The following SLC8A1 variants were observed in gnomAD, a reference collection of about 807,000 sequenced individuals.
The protein encoded by SLC8A1 is solute carrier family 8 member A1.
A neutral mutation model predicts 68.3 loss-of-function variants in SLC8A1; 18 were observed. That is an observed-to-expected ratio of 0.26 (90% CI 0.18 to 0.39). The LOEUF (loss-of-function observed/expected upper bound fraction) is 0.39, where lower values mean the gene tolerates loss of function less well. SLC8A1 is among the 10% of genes least tolerant of loss of function. SLC8A1 has a pLI of 1.00. For missense variants in SLC8A1, 985 were observed against 1,156.7 expected (o/e 0.85, Z 2.15); for synonymous variants, 475 against 415.5 (o/e 1.14, Z -1.74).
chr2:40,134,445 C>T (rs1265474526), intron 7 of SLC8A1, among the ~76,000 whole-genome samples: 3 of 151,960 alleles, frequency 2.0e-5, no homozygotes, highest in Non-Finnish European at 2.9e-5. Flanking sequence ...GAGAAGGGAT[C>T]ATAGAAGAGA....
intron 2 of SLC8A1, among the ~76,000 whole-genome samples, chr2:40,285,200 GAGAC>G (rs1480977764): frequency 1.3e-5 from 2 of 152,236 alleles, no homozygotes; most frequent in East Asian, 3.9e-4. Flanking sequence ...ATCGCAGTTA[GAGAC>G]AGACAAAGTG....
At chr2:40,412,749 G>C (rs1016476535) in intron 2 of SLC8A1, among the ~76,000 whole-genome samples, 1 of 152,172 alleles carries the variant, frequency 6.6e-6, no homozygotes, top group African/African-American at 2.4e-5. Context: ...CAATAATTTA[G>C]AGTATTATCA....
chr2:40,466,741 G>T (rs1043312397), intron 1 of SLC8A1, among the ~76,000 whole-genome samples: 2 of 152,138 alleles, frequency 1.3e-5, no homozygotes, highest in Non-Finnish European at 2.9e-5. Flanking sequence ...ATGTTGGTTT[G>T]TTGAATGTGT....
At chr2:40,278,501 CAAA>C (rs1203111869) in intron 2 of SLC8A1, among the ~76,000 whole-genome samples, 12 of 141,848 alleles carry the variant, frequency 8.5e-5, no homozygotes, top group African/African-American at 3.3e-4. Context: ...CAAAACAAAA[CAAA>C]AAGAAAGAAA....
exon 7 of SLC8A1, chr2:40,139,494 T>C: frequency 6.2e-7 from 1 of 1,614,158 alleles, no homozygotes; most frequent in Admixed American, 1.7e-5. Flanking sequence ...AGGTCTCCAA[T>C]GAAAGCTGTC....
In SLC8A1 at chr2:40,441,582, G is replaced by C. The variant is rs143576908; in HGVS notation, c.-25+10322C>G. 6.8e-3 allele frequency among the ~76,000 whole-genome samples: 1,027 copies of C among 152,048 alleles called. 39 individuals carry two copies. Among genetic ancestry groups the C allele is most frequent in the Admixed American group, 0.058 (890 of 15,280 alleles). On this transcript the variant is annotated intron_variant, in intron 1 of 7. Transcript: ENST00000406785. The stretch of plus-strand genomic sequence containing the variant: ...CCAAAACAGACATTATAGACCAATA[G>C]AACAGAACAGAGACCTCATAAATAA...
intron 2 of SLC8A1, among the ~76,000 whole-genome samples, chr2:40,355,704 C>G (rs554004335): frequency 1.9e-4 from 29 of 152,196 alleles, no homozygotes; most frequent in African/African-American, 6.3e-4. Context: ...AGTCCATGCA[C>G]GTAACAAACA....
At chr2:40,448,765 G>A (rs1233331813) in intron 1 of SLC8A1, among the ~76,000 whole-genome samples, 1 of 152,066 alleles carries the variant, frequency 6.6e-6, no homozygotes, top group East Asian at 1.9e-4. Flanking sequence ...TTATGATGAA[G>A]GATTTAACTA....
At chr2:40,236,502 G>T (rs553011140) in intron 2 of SLC8A1, among the ~76,000 whole-genome samples, 3,405 of 151,854 alleles carry the variant, frequency 0.022, 49 homozygotes, top group Non-Finnish European at 0.032. Context: ...GTCTCTGCAC[G>T]TGAGATGGGT....
chr2:40,341,212 G>T (rs1328051354), intron 2 of SLC8A1, among the ~76,000 whole-genome samples: 2 of 151,996 alleles, frequency 1.3e-5, no homozygotes, highest in African/African-American at 4.8e-5. Context: ...AAAATTAGTT[G>T]GCTTCGTGAA....
intron 2 of SLC8A1, among the ~76,000 whole-genome samples, chr2:40,411,441 A>G (rs1003773791): frequency 2.0e-5 from 3 of 152,082 alleles, no homozygotes; most frequent in Non-Finnish European, 2.9e-5. Context: ...AAGTTATTAT[A>G]AGCCTTACCA....
chr2:40,383,744 A>G (rs1326984336), intron 2 of SLC8A1, among the ~76,000 whole-genome samples: 1 of 152,140 alleles, frequency 6.6e-6, no homozygotes, highest in Non-Finnish European at 1.5e-5. Context: ...TTGGCAAGAC[A>G]CTATTTAACA....
intron 1 of SLC8A1, among the ~76,000 whole-genome samples, chr2:40,484,050 G>A (rs550820807): frequency 6.6e-6 from 1 of 152,114 alleles, no homozygotes; most frequent in Admixed American, 6.5e-5. Context: ...TGTTAAAAAG[G>A]TTCCAATGCA....
intron 1 of SLC8A1, among the ~76,000 whole-genome samples, chr2:40,438,671 G>A (rs1013440203): frequency 6.6e-6 from 1 of 152,180 alleles, no homozygotes; most frequent in Non-Finnish European, 1.5e-5. Flanking sequence ...CTAAAAGGAA[G>A]AAATGATATG....
chr2:40,224,109 T>A (rs969606770), intron 2 of SLC8A1, among the ~76,000 whole-genome samples: 1 of 152,176 alleles, frequency 6.6e-6, no homozygotes, highest in African/African-American at 2.4e-5. Context: ...ATACATGATG[T>A]TGCTCGGCAG....
intron 2 of SLC8A1, among the ~76,000 whole-genome samples, chr2:40,266,892 T>C (rs1366628342): frequency 6.6e-6 from 1 of 152,132 alleles, no homozygotes; most frequent in African/African-American, 2.4e-5. Context: ...TATTAGGAAA[T>C]AGCTTGAACT....
intron 1 of SLC8A1, among the ~76,000 whole-genome samples, chr2:40,503,925 T>A (rs185202480): frequency 6.6e-6 from 1 of 152,094 alleles, no homozygotes; most frequent in African/African-American, 2.4e-5. Flanking sequence ...AAAATGCCGA[T>A]GACATTCTTC....
At chr2:40,106,326 G>A (rs1374791039) in exon 8 of SLC8A1, 1 of 152,208 alleles carries the variant, frequency 6.6e-6, no homozygotes, top group East Asian at 1.9e-4. Context: ...ATCACCTGAG[G>A]TCAGGAGTTC....
intron 2 of SLC8A1, among the ~76,000 whole-genome samples, chr2:40,350,954 T>C (rs147438350): frequency 9.8e-5 from 15 of 152,314 alleles, no homozygotes; most frequent in Admixed American, 2.6e-4. Context: ...GAGGCTAGTA[T>C]ATGGCAGAGC....
Sources: allele counts gnomAD v4.1 joint callset (sites outside exome capture counted in the v4.1 genomes callset), GRCh38; gene constraint gnomAD v4.1.1; transcripts MANE v1.5; gene names NCBI Gene and HGNC (gene_info 2026-07-23, HGNC 2026-07-21).